KCNMB2: variants seen among roughly 807,000 people sequenced by gnomAD.
KCNMB2 encodes potassium calcium-activated channel subfamily M regulatory beta subunit 2, also known as calcium-activated potassium channel subunit beta-2.
In KCNMB2, 9 loss-of-function variants were observed where a neutral mutation model predicts 24.5. The ratio of observed to expected loss-of-function variants is 0.37; its 90% confidence interval spans 0.22 to 0.64. The LOEUF (loss-of-function observed/expected upper bound fraction) is 0.64. KCNMB2 is among the 30% of genes least tolerant of loss of function. KCNMB2 has a pLI of 0.63. For synonymous variants in KCNMB2, 109 were observed against 104.4 expected, an observed-to-expected ratio of 1.04 and a Z score of -0.27; for missense variants, 226 against 284.3, an observed-to-expected ratio of 0.79 and a Z score of 1.47.
chr3:178,795,419 A>G (rs1395732204), intron 1 of KCNMB2, among the ~76,000 whole-genome samples: 1 of 152,252 alleles, frequency 6.6e-6, no homozygotes, highest in Non-Finnish European at 1.5e-5. Flanking sequence ...CTATGGGTAT[A>G]TGACCACACA....
intron 1 of KCNMB2, among the ~76,000 whole-genome samples, chr3:178,584,473 A>T (rs1717349141): frequency 6.9e-6 from 1 of 144,656 alleles, no homozygotes; most frequent in Non-Finnish European, 1.5e-5. Context: ...ATGAAATAGT[A>T]CTTACCTCAC....
intron 4 of KCNMB2, among the ~76,000 whole-genome samples, chr3:178,835,521 G>A (rs1176020927): frequency 1.3e-5 from 2 of 151,664 alleles, no homozygotes; most frequent in Non-Finnish European, 3.0e-5. Flanking sequence ...ACCAGCTGGG[G>A]AACTATACAT....
At chr3:178,723,963 T>A (rs767733693) in intron 1 of KCNMB2, among the ~76,000 whole-genome samples, 1 of 152,204 alleles carries the variant, frequency 6.6e-6, no homozygotes, top group Non-Finnish European at 1.5e-5. Flanking sequence ...CAGGTATCAT[T>A]TTAGTAGAAC....
chr3:178,739,726 A>G (rs964528038), intron 1 of KCNMB2, among the ~76,000 whole-genome samples: 1 of 152,238 alleles, frequency 6.6e-6, no homozygotes, highest in Non-Finnish European at 1.5e-5. Context: ...CACAATCTCT[A>G]ACGCTTACTG....
chr3:178,817,442 G>T (rs1249158837), intron 2 of KCNMB2, among the ~76,000 whole-genome samples: 1 of 152,046 alleles, frequency 6.6e-6, no homozygotes, highest in Non-Finnish European at 1.5e-5. Context: ...AATGGAAGAG[G>T]CTGTGGTGGA....
intron 1 of KCNMB2, among the ~76,000 whole-genome samples, chr3:178,597,896 G>T (rs760639663): frequency 2.6e-5 from 4 of 152,006 alleles, no homozygotes; most frequent in South Asian, 2.1e-4. Flanking sequence ...TTTTGTGTTG[G>T]CTCTTAAATA....
chr3:178,613,870 T>A lies in KCNMB2; in HGVS notation c.-68+77159T>A, dbSNP rs116614128. Among the ~76,000 whole-genome samples, 1,096 of 152,216 alleles carry A rather than the reference T, an allele frequency of 7.2e-3. 12 individuals are homozygous for A. The highest frequency in any genetic ancestry group is 0.026 in the African/African-American group (1,062 of 41,538). ...GTGGATACTGATATCTTTCTCTAGGTTTGGGATGTTCTCTGTTATTATCCG... is the reference window on the plus strand; with the variant it reads ...GTGGATACTGATATCTTTCTCTAGGATTGGGATGTTCTCTGTTATTATCCG... On this transcript the variant is annotated intron_variant, in intron 1 of 4. Transcript: ENST00000452583.
intron 1 of KCNMB2, among the ~76,000 whole-genome samples, chr3:178,675,359 T>A (rs1481485392): frequency 1.3e-5 from 2 of 152,158 alleles, no homozygotes; most frequent in Non-Finnish European, 2.9e-5. Flanking sequence ...TGCATCAAGC[T>A]AAGTACCAGT....
chr3:178,610,181 C>G (rs1022489085), intron 1 of KCNMB2, among the ~76,000 whole-genome samples: 1 of 152,104 alleles, frequency 6.6e-6, no homozygotes, highest in African/African-American at 2.4e-5. Flanking sequence ...TACTGTAGCT[C>G]TGTAGTATAC....
At chr3:178,739,152 G>A (rs1380120892) in intron 1 of KCNMB2, among the ~76,000 whole-genome samples, 1 of 150,486 alleles carries the variant, frequency 6.6e-6, no homozygotes, top group Admixed American at 6.6e-5. Flanking sequence ...AGCATAAAGA[G>A]AGGATTCAGA....
intron 1 of KCNMB2, among the ~76,000 whole-genome samples, chr3:178,654,544 C>T (rs570381708): frequency 1.4e-4 from 21 of 152,242 alleles, no homozygotes; most frequent in Non-Finnish European, 2.1e-4. Flanking sequence ...AAAACCACAA[C>T]AAAAATTGGT....
At chr3:178,575,148 TAAAC>T (rs1251897279) in intron 1 of KCNMB2, among the ~76,000 whole-genome samples, 4 of 152,136 alleles carry the variant, frequency 2.6e-5, no homozygotes, top group Non-Finnish European at 4.4e-5. Flanking sequence ...AGTGAGAAAA[TAAAC>T]AAGATAAATT....
chr3:178,542,558 C>A (rs1715654930), intron 1 of KCNMB2, among the ~76,000 whole-genome samples: 1 of 152,162 alleles, frequency 6.6e-6, no homozygotes, highest in Non-Finnish European at 1.5e-5. Context: ...ACTCTCTATT[C>A]AGCTGTAAAG....
intron 1 of KCNMB2, among the ~76,000 whole-genome samples, chr3:178,704,487 T>C (rs1722211200): frequency 6.6e-6 from 1 of 152,186 alleles, no homozygotes; most frequent in Non-Finnish European, 1.5e-5. Context: ...TCACTAGCCA[T>C]ATTTCAAGTG....
chr3:178,805,068 G>A (rs529289968), intron 1 of KCNMB2, among the ~76,000 whole-genome samples: 14 of 152,144 alleles, frequency 9.2e-5, no homozygotes, highest in Admixed American at 2.0e-4. Flanking sequence ...TAATTTCTAC[G>A]TCTTTCTAAA....
At chr3:178,725,951 T>A (rs933531337) in intron 1 of KCNMB2, among the ~76,000 whole-genome samples, 1 of 151,950 alleles carries the variant, frequency 6.6e-6, no homozygotes, top group Non-Finnish European at 1.5e-5. Flanking sequence ...ATATAATTAT[T>A]ATGAATTTAG....
intron 1 of KCNMB2, among the ~76,000 whole-genome samples, chr3:178,580,586 T>G (rs1467253287): frequency 6.6e-6 from 1 of 152,222 alleles, no homozygotes; most frequent in Non-Finnish European, 1.5e-5. Flanking sequence ...TGTCTCTGTT[T>G]GAAGGTGACA....
intron 1 of KCNMB2, among the ~76,000 whole-genome samples, chr3:178,649,420 T>C (rs1720028294): frequency 6.6e-6 from 1 of 152,130 alleles, no homozygotes; most frequent in Non-Finnish European, 1.5e-5. Context: ...TTCCATATAC[T>C]GCAACAGTTC....
chr3:178,774,234 G>A (rs549721673), intron 1 of KCNMB2, among the ~76,000 whole-genome samples: 1 of 152,230 alleles, frequency 6.6e-6, no homozygotes, highest in East Asian at 1.9e-4. Context: ...AATGGGGAGA[G>A]GGGCATTCAG....
Sources: gnomAD v4.1 joint callset for allele counts (sites outside exome capture counted in the v4.1 genomes callset) on GRCh38, gnomAD v4.1.1 for gene constraint, MANE v1.5 for transcripts, NCBI Gene and HGNC (gene_info 2026-07-23, HGNC 2026-07-21) for gene names.